Variants in NECTIN3 observed in about 807,000 individuals in gnomAD.
NECTIN3 encodes nectin cell adhesion molecule 3.
In NECTIN3, 8 loss-of-function variants were observed where a neutral mutation model predicts 49.4. The observed-to-expected ratio is 0.16, with a 90% CI of 0.10 to 0.29. The LOEUF (loss-of-function observed/expected upper bound fraction) is 0.29, where lower values mean the gene tolerates loss of function less well. Ranked by LOEUF, NECTIN3 falls within the 10% of genes least tolerant of loss-of-function variation. The probability of loss-of-function intolerance (pLI) is 1.00; values close to 1 mark genes in which losing one functional copy is unlikely to be tolerated. For missense variants in NECTIN3, 581 were observed against 654.6 expected, an observed-to-expected ratio of 0.89 and a Z score of 1.23; for synonymous variants, 277 against 241.1, an observed-to-expected ratio of 1.15 and a Z score of -1.38.
intron 7 of NECTIN3, among the ~76,000 whole-genome samples, chr3:111,163,137 CA>C (rs1412117457): frequency 3.3e-5 from 5 of 152,150 alleles, no homozygotes; most frequent in African/African-American, 1.2e-4. Context: ...TAACAAAACA[CA>C]AACAGATGGG....
At chr3:111,093,262 G>A (rs962447885) in intron 1 of NECTIN3, among the ~76,000 whole-genome samples, 65 of 152,074 alleles carry the variant, frequency 4.3e-4, no homozygotes, top group African/African-American at 1.3e-3. Flanking sequence ...AATACTTAAA[G>A]GAATTCCATT....
intron 7 of NECTIN3, among the ~76,000 whole-genome samples, chr3:111,164,761 C>G (rs1576173269): frequency 6.6e-6 from 1 of 152,306 alleles, no homozygotes; most frequent in African/African-American, 2.4e-5. Context: ...CCACCCAAAT[C>G]AGCATGACCT....
upstream of NECTIN3, among the ~76,000 whole-genome samples, chr3:111,190,319 G>A (rs2035792840): frequency 6.6e-6 from 1 of 152,070 alleles, no homozygotes; most frequent in Non-Finnish European, 1.5e-5. Context: ...AGATAACCTT[G>A]ACATATGACA....
At chr3:111,074,137 AC>A in intron 1 of NECTIN3, 1 of 443,474 alleles carries the variant, frequency 2.3e-6, no homozygotes. Flanking sequence ...TAATTTGTGA[AC>A]CTTTATGACG....
intron 1 of NECTIN3, among the ~76,000 whole-genome samples, chr3:111,094,330 T>G (rs2032461957): frequency 6.6e-6 from 1 of 152,206 alleles, no homozygotes; most frequent in African/African-American, 2.4e-5. Context: ...TTTGTGTGCA[T>G]ACATGAAAAT....
rs367641275 is a variant in NECTIN3, at chr3:111,112,363, C to A, written c.494C>A (p.Thr165Asn). 32 of 1,589,592 alleles carry A rather than the reference C, an allele frequency of 2.0e-5. No homozygotes were observed. The highest frequency in any genetic ancestry group is 2.8e-5 in the Non-Finnish European group (32 of 1,161,960). Residue 165 changes from threonine to asparagine, a missense_variant, in exon 2 of 6, where the codon ACT becomes AAT. Thr to Asn is a moderately conservative substitution (Grantham distance 65, BLOSUM62 0). Transcript: ENST00000485303. ...AATGCCCAGTCCTCTACAACTGTAA[C>A]TGTGTTAGGTAGGTATGCTTGAATT... ...LGNAQSSTTV[T>N]VLVEPTVSLI...
chr3:111,122,177 GGTGTTAATCT>G lies in NECTIN3; in HGVS notation c.857_866del (p.Gly286AlafsTer40). 1.2e-6 allele frequency: 2 copies of G among 1,613,634 alleles called. No homozygotes were observed. Among genetic ancestry groups the G allele is most frequent in the Non-Finnish European group, 1.7e-6 (2 of 1,179,726 alleles). The stretch of plus-strand genomic sequence containing the variant: ...TGGAAATTGGTTTGTAGGAAGAAAA[GGTGTTAATCT>G]CAAATGTAATGCTGATGCAAATCCA... On this transcript the variant is annotated frameshift_variant, in exon 4 of 6. Transcript: ENST00000485303. LOFTEE classifies it high-confidence loss of function.
intron 1 of NECTIN3, among the ~76,000 whole-genome samples, chr3:111,092,054 A>G (rs1214496600): frequency 1.3e-5 from 2 of 152,046 alleles, no homozygotes; most frequent in African/African-American, 4.8e-5. Context: ...TGTTGAGCAA[A>G]TTTTCATTTG....
intron 7 of NECTIN3, among the ~76,000 whole-genome samples, chr3:111,184,461 G>C (rs941268823): frequency 1.3e-5 from 2 of 152,086 alleles, no homozygotes; most frequent in Non-Finnish European, 2.9e-5. Context: ...TTGTATGCTT[G>C]CCTGGCCTTC....
chr3:111,072,643 C>G (rs966492419), intron 1 of NECTIN3: 11 of 1,425,516 alleles, frequency 7.7e-6, no homozygotes, highest in Non-Finnish European at 9.5e-6. Flanking sequence ...GCCTTCCACC[C>G]TGGAGAAGGC....
intron 7 of NECTIN3, among the ~76,000 whole-genome samples, chr3:111,187,263 C>T (rs1249223013): frequency 6.6e-6 from 1 of 152,102 alleles, no homozygotes; most frequent in Non-Finnish European, 1.5e-5. Flanking sequence ...ATTAGCCAGG[C>T]ATGGTGGTGT....
chr3:111,144,262 C>G (rs958751876), intron 5 of NECTIN3, among the ~76,000 whole-genome samples: 1 of 151,692 alleles, frequency 6.6e-6, no homozygotes, highest in African/African-American at 2.4e-5. Context: ...ATGTCTATGG[C>G]CAGGAGATAG....
intron 2 of NECTIN3, among the ~76,000 whole-genome samples, chr3:111,114,614 G>A (rs372466861): frequency 3.3e-5 from 5 of 152,122 alleles, no homozygotes; most frequent in Non-Finnish European, 5.9e-5. Context: ...GAAATATTTC[G>A]TAGGAGAAAT....
intron 1 of NECTIN3, among the ~76,000 whole-genome samples, chr3:111,081,145 G>A (rs2031577250): frequency 6.6e-6 from 1 of 152,156 alleles, no homozygotes; most frequent in Non-Finnish European, 1.5e-5. Flanking sequence ...GCCAGGCATG[G>A]TGGAGTCCAC....
upstream of NECTIN3, among the ~76,000 whole-genome samples, chr3:111,187,661 A>G (rs1443471298): frequency 6.6e-6 from 1 of 152,238 alleles, no homozygotes; most frequent in African/African-American, 2.4e-5. Flanking sequence ...ACATGGGGTA[A>G]CGTTAAATGC....
chr3:111,080,161 A>C (rs2031498759), intron 1 of NECTIN3, among the ~76,000 whole-genome samples: 1 of 152,136 alleles, frequency 6.6e-6, no homozygotes, highest in African/African-American at 2.4e-5. Flanking sequence ...TGTATTTAAG[A>C]AAATAAAATT....
Position 111,137,149 on chromosome 3 carries a change from T to G in NECTIN3, c.*2934T>G. 1.0e-6 allele frequency: 1 copy of G among 963,320 alleles called. No homozygotes were observed. Among genetic ancestry groups the G allele is most frequent in the Non-Finnish European group, 1.2e-6 (1 of 809,982 alleles). 59.7% of individuals were successfully genotyped at this position (963,320 alleles called of 1,614,324 possible). ...TAGTCATTTTATATGTGAAAACATC[T>G]GATTTGAGTTTTTGATAAATACTGC... On this transcript the variant is annotated 3_prime_UTR_variant, in exon 6 of 6. Transcript: ENST00000485303.
At chr3:111,168,536 G>A (rs1487433312) in intron 7 of NECTIN3, among the ~76,000 whole-genome samples, 1 of 152,106 alleles carries the variant, frequency 6.6e-6, no homozygotes. Context: ...GTAGGACAGG[G>A]ATTTTTTTGT....
chr3:111,141,009 G>T (rs779693816), downstream of NECTIN3, among the ~76,000 whole-genome samples: 1 of 151,712 alleles, frequency 6.6e-6, no homozygotes, highest in African/African-American at 2.4e-5. Context: ...CTATTACCAC[G>T]TAAAATTCAT....
Sources: allele counts gnomAD v4.1 joint callset (sites outside exome capture counted in the v4.1 genomes callset), GRCh38; gene constraint gnomAD v4.1.1; transcripts MANE v1.5; gene names NCBI Gene and HGNC (gene_info 2026-07-23, HGNC 2026-07-21).